XKR9: variants seen among roughly 807,000 people sequenced by gnomAD.
XKR9 encodes XK-related protein 9.
A neutral mutation model predicts 32.0 loss-of-function variants in XKR9; 32 were observed. That is an observed-to-expected ratio of 1.00 (90% confidence interval 0.76 to 1.34). XKR9 has a LOEUF of 1.34. Ranked by LOEUF, XKR9 falls within the 40% of genes most tolerant of loss-of-function variation. The probability of loss-of-function intolerance (pLI) is 0.00; values close to 1 mark genes in which losing one functional copy is unlikely to be tolerated. For synonymous variants in XKR9, 168 were observed against 143.4 expected, an observed-to-expected ratio of 1.17 and a Z score of -1.22; for missense variants, 546 against 429.7, an observed-to-expected ratio of 1.27 and a Z score of -2.39.
At chr8:70,860,656 C>T in the XKR9 span, among the ~76,000 whole-genome samples, 1 of 151,852 alleles carries the variant, frequency 6.6e-6, no homozygotes, top group African/African-American at 2.4e-5. Context: ...CTAGCCTCCC[C>T]ATCCCCACCC....
intron 2 of XKR9, among the ~76,000 whole-genome samples, chr8:70,756,273 A>G (rs775172665): frequency 4.6e-4 from 70 of 152,134 alleles, no homozygotes; most frequent in Non-Finnish European, 8.2e-4. Context: ...CTGTTGCTTT[A>G]TAGTAAGTTT....
At chr8:70,701,064 A>G (rs978595218) in intron 3 of XKR9, among the ~76,000 whole-genome samples, 5 of 152,156 alleles carry the variant, frequency 3.3e-5, no homozygotes, top group African/African-American at 9.6e-5. Context: ...GGTGGGAGTG[A>G]CCCGATTTTC....
the XKR9 span, among the ~76,000 whole-genome samples, chr8:70,853,255 G>C: frequency 6.6e-6 from 1 of 152,026 alleles, no homozygotes; most frequent in Non-Finnish European, 1.5e-5. Context: ...TCTGGGAATG[G>C]CAGTGAGGCG....
chr8:70,816,443 G>A, the XKR9 span, among the ~76,000 whole-genome samples: 1 of 152,164 alleles, frequency 6.6e-6, no homozygotes, highest in Non-Finnish European at 1.5e-5. Context: ...GGTTCTGTAT[G>A]TTTATAGCAG....
At chr8:70,965,402 A>T in the XKR9 span, among the ~76,000 whole-genome samples, 4 of 152,082 alleles carry the variant, frequency 2.6e-5, no homozygotes, top group Non-Finnish European at 5.9e-5. Context: ...TATTGGCCTG[A>T]AGTTTTCTAT....
chr8:70,821,757 C>A, the XKR9 span, among the ~76,000 whole-genome samples: 1 of 152,222 alleles, frequency 6.6e-6, no homozygotes, highest in Admixed American at 6.5e-5. Context: ...GGCTGGGATG[C>A]AGGGCACCAC....
At chr8:70,761,011 G>T (rs1334133975) in intron 2 of XKR9, among the ~76,000 whole-genome samples, 1 of 152,156 alleles carries the variant, frequency 6.6e-6, no homozygotes, top group Non-Finnish European at 1.5e-5. Flanking sequence ...ATGGCCTCCA[G>T]CTCTATCCAT....
chr8:70,842,891 C>A, the XKR9 span, among the ~76,000 whole-genome samples: 7 of 152,126 alleles, frequency 4.6e-5, no homozygotes, highest in African/African-American at 1.7e-4. Flanking sequence ...GCAACCATTG[C>A]TGCCCTTCTG....
At chr8:70,902,633 A>C in the XKR9 span, among the ~76,000 whole-genome samples, 1 of 152,064 alleles carries the variant, frequency 6.6e-6, no homozygotes, top group Non-Finnish European at 1.5e-5. Flanking sequence ...GTTTCTTTCT[A>C]CTGCCTGATT....
chr8:70,822,159 A>T, the XKR9 span, among the ~76,000 whole-genome samples: 1 of 152,188 alleles, frequency 6.6e-6, no homozygotes, highest in African/African-American at 2.4e-5. Flanking sequence ...ACTCAATTGT[A>T]AAGGAAAATA....
At chr8:70,764,713 A>G (rs1001189843) in intron 2 of XKR9, among the ~76,000 whole-genome samples, 5 of 151,990 alleles carry the variant, frequency 3.3e-5, no homozygotes, top group Admixed American at 2.0e-4. Context: ...TCTACATTAC[A>G]TATTTCTCCT....
chr8:70,733,462 G>A (rs1408670989), intron 4 of XKR9, among the ~76,000 whole-genome samples: 1 of 151,974 alleles, frequency 6.6e-6, no homozygotes. Context: ...GCTTTTTTCA[G>A]TATATCAGTT....
chr8:70,985,221 T>C, the XKR9 span, among the ~76,000 whole-genome samples: 1 of 152,242 alleles, frequency 6.6e-6, no homozygotes, highest in South Asian at 2.1e-4. Context: ...CCATGTATTC[T>C]CATTGTTTAG....
chr8:70,917,541 G>A, the XKR9 span, among the ~76,000 whole-genome samples: 3 of 151,786 alleles, frequency 2.0e-5, no homozygotes, highest in African/African-American at 7.3e-5. Flanking sequence ...TGATATTTTT[G>A]GCTTAATGAT....
At chr8:71,065,587 G>T in the XKR9 span, among the ~76,000 whole-genome samples, 2 of 152,210 alleles carry the variant, frequency 1.3e-5, no homozygotes, top group African/African-American at 4.8e-5. Flanking sequence ...TAAACTAAAA[G>T]AGAATAAAGA....
chr8:70,978,592 G>A, the XKR9 span, among the ~76,000 whole-genome samples: 3 of 152,154 alleles, frequency 2.0e-5, no homozygotes, highest in East Asian at 5.8e-4. Flanking sequence ...TAGAGTTTCT[G>A]CTGAGATATC....
At chr8:70,773,786 G>A (rs1807484035) in intron 2 of XKR9, among the ~76,000 whole-genome samples, 1 of 152,114 alleles carries the variant, frequency 6.6e-6, no homozygotes, top group African/African-American at 2.4e-5. Flanking sequence ...GTGAATTAGG[G>A]CCATTTAACT....
At chr8:70,690,069 C>CA (rs1819457017) in intron 3 of XKR9, among the ~76,000 whole-genome samples, 1 of 152,064 alleles carries the variant, frequency 6.6e-6, no homozygotes, top group African/African-American at 2.4e-5. Context: ...GATAGATAAA[C>CA]AAACACTTTA....
At chr8:70,781,209 T>G (rs1407266764) in intron 2 of XKR9, among the ~76,000 whole-genome samples, 1 of 152,174 alleles carries the variant, frequency 6.6e-6, no homozygotes, top group Non-Finnish European at 1.5e-5. Flanking sequence ...TATTTGCCAC[T>G]TGTGTATCTT....
Sources: gnomAD v4.1 joint callset for allele counts (sites outside exome capture counted in the v4.1 genomes callset) on GRCh38, gnomAD v4.1.1 for gene constraint, MANE v1.5 for transcripts, NCBI Gene and HGNC (gene_info 2026-07-23, HGNC 2026-07-21) for gene names.